The following BOP1 variants were observed in gnomAD, a reference collection of about 807,000 sequenced individuals.
The protein encoded by BOP1 is BOP1 ribosomal biogenesis factor, also known as ribosome biogenesis protein BOP1.
A neutral mutation model predicts 82.9 loss-of-function variants in BOP1; 54 were observed. The ratio of observed to expected loss-of-function variants is 0.65; its 90% confidence interval spans 0.52 to 0.82. BOP1 has a LOEUF of 0.82. Among genes scored for constraint, BOP1 ranks in the 40% least tolerant of loss-of-function variants. The probability of loss-of-function intolerance (pLI) is 0.00; values close to 1 mark genes in which losing one functional copy is unlikely to be tolerated. For synonymous variants in BOP1, 566 were observed against 451.1 expected, an observed-to-expected ratio of 1.25 and a Z score of -3.23; for missense variants, 1,170 against 1,072.0, an observed-to-expected ratio of 1.09 and a Z score of -1.28.
At chr8:144,273,528 C>T (rs1845526083) in intron 3 of BOP1, among the ~76,000 whole-genome samples, 1 of 152,248 alleles carries the variant, frequency 6.6e-6, no homozygotes, top group South Asian at 2.1e-4. Flanking sequence ...CTGACAAACA[C>T]GGCCACAGGC....
chr8:144,284,689 GCA>G (rs1303199499), intron 2 of BOP1, among the ~76,000 whole-genome samples: 1 of 152,192 alleles, frequency 6.6e-6, no homozygotes, highest in African/African-American at 2.4e-5. Context: ...TCGTTCCCTG[GCA>G]CACCCCTCAG....
intron 3 of BOP1, among the ~76,000 whole-genome samples, chr8:144,273,176 G>C (rs1028650275): frequency 6.6e-6 from 1 of 152,188 alleles, no homozygotes; most frequent in Non-Finnish European, 1.5e-5. Flanking sequence ...GGGCGGGGGC[G>C]GCCCGGAGGA....
At chr8:144,283,982 T>C (rs930702785) in intron 2 of BOP1, among the ~76,000 whole-genome samples, 16 of 152,166 alleles carry the variant, frequency 1.1e-4, no homozygotes, top group African/African-American at 3.9e-4. Context: ...CCGGGCGTGA[T>C]GACGGGCGCC....
At position 144,266,485 on chromosome 8, in the gene BOP1, G is replaced by T; in HGVS notation, c.391-1414C>A. 4 of 985,608 alleles carry T rather than the reference G, an allele frequency of 4.1e-6. No individual in the cohort carries two copies. The South Asian group carries it at 1.4e-4, about 34-fold the overall frequency. 61.1% of individuals were successfully genotyped at this position (985,608 alleles called of 1,614,324 possible). ...GACGCACATGTGCGCGCGACGCCCGGCAGCTGCCACCGCGGGGCGCAGCCG... is the reference window on the plus strand; with the variant it reads ...GACGCACATGTGCGCGCGACGCCCGTCAGCTGCCACCGCGGGGCGCAGCCG... On this transcript the variant is annotated intron_variant, in intron 3 of 15. Coordinates refer to ENST00000569669, the MANE Select transcript of BOP1 (RefSeq NM_015201.5).
Position 144,263,078 on chromosome 8 carries a change from C to G in BOP1, c.1669G>C (p.Gly557Arg). The change falls in exon 13 of 16, where the codon GGC becomes CGC. Residue 557 changes from glycine (G) to arginine (R), a missense_variant. By Grantham distance (125) the Gly-to-Arg change is moderately radical (BLOSUM62 -2). Transcript: ENST00000569669. ...DYLAVVLATQ[G>R]HTQVLIHQLS... The stretch of plus-strand genomic sequence containing the variant: ...TGGTGAATCAGCACCTGGGTGTGGC[C>G]TTGGGTGGCCAGCACCACGGCCAGG... The G allele has an allele frequency of 6.3e-7, 1 of 1,589,738 alleles. No individual in the cohort carries two copies. Among genetic ancestry groups the G allele is most frequent in the South Asian group, 1.1e-5 (1 of 89,672 alleles).
Position 144,289,260 on chromosome 8 carries a change from G to A in BOP1, c.144C>T (p.Ser48=), listed in dbSNP as rs768626008. Residue 48 remains serine (S), a synonymous_variant, in exon 2 of 16, where the codon AGC becomes AGT. Coordinates refer to ENST00000569669, the MANE Select transcript of BOP1 (RefSeq NM_015201.5). ...CCTCGCTGTCGGAGACGCCAGAATC[G>A]CTGCCGGTGCTGTGGCTGAGAGGAG... The part of the protein sequence containing the change: ...CTSPLSHSTG[S]DSGVSDSEES... The A allele has an allele frequency of 1.5e-4, 238 of 1,613,846 alleles. 1 individual carries two copies. The highest frequency in any genetic ancestry group is 1.9e-4 in the Non-Finnish European group (221 of 1,179,918).
intron 2 of BOP1, among the ~76,000 whole-genome samples, chr8:144,288,853 G>A (rs940460276): frequency 3.9e-5 from 6 of 152,198 alleles, no homozygotes; most frequent in African/African-American, 9.6e-5. Context: ...AGGGTTGCCC[G>A]AGCATCGTCT....
chr8:144,276,304 C>G lies in BOP1; in HGVS notation c.310G>C (p.Ala104Pro). The G allele has an allele frequency of 6.2e-7, 1 of 1,613,034 alleles. No homozygotes were observed. The highest frequency in any genetic ancestry group is 8.5e-7 in the Non-Finnish European group (1 of 1,179,788). Residue 104 changes from alanine to proline, a missense_variant and splice_region_variant, in exon 3 of 16, where the codon GCC becomes CCC. Coordinates refer to ENST00000569669, the MANE Select transcript of BOP1 (RefSeq NM_015201.5). ...TCTGTCCTCGGGCAAGGAGTGCTGG[C>G]CTGCAGAGAGAGAGAGAAAATGGTC... ...IKKTTEEQVQ[A>P]STPCPRTEMA...
In BOP1 at chr8:144,276,721, G is replaced by A. The variant is rs1049047615; in HGVS notation, c.310-417C>T. Among the ~76,000 whole-genome samples the A allele has an allele frequency of 4.6e-5, 7 of 152,190 alleles. 1 individual carries two copies. The highest frequency in any genetic ancestry group is 1.2e-4 in the African/African-American group (5 of 41,464). ...CCACATGGCGCTCCTGCCGAGCCCC[G>A]CCTGGGACGGGGGCAGCATGGTCGG... On this transcript the variant is annotated intron_variant, in intron 2 of 15. Transcript: ENST00000569669.
chr8:144,277,301 T>G (rs1845582622), intron 2 of BOP1, among the ~76,000 whole-genome samples: 1 of 152,202 alleles, frequency 6.6e-6, no homozygotes, highest in East Asian at 1.9e-4. Flanking sequence ...CGTCTCCCCC[T>G]GCTGCTGACA....
At chr8:144,262,343 C>A (rs1845215535) in intron 15 of BOP1, 26 bp from the exon 16 acceptor site, 1 of 1,612,582 alleles carries the variant, frequency 6.2e-7, no homozygotes, top group Non-Finnish European at 8.5e-7. Context: ...GGGCTCAGGG[C>A]ACGGCCAGAC....
Position 144,263,416 on chromosome 8 carries a change from C to T in BOP1, c.1425-15G>A. 6.3e-7 allele frequency: 1 copy of T among 1,597,834 alleles called. No individual in the cohort carries two copies. ...CCGAGTCCTCCCTGTGAGCCAGGCC[C>T]AGACACGGCCCCTAAGCACAGTGCC... On this transcript the variant is annotated splice_polypyrimidine_tract_variant and intron_variant, in intron 11 of 15. Transcript: ENST00000569669.
chr8:144,266,873 G>A, intron 3 of BOP1: 5 of 1,481,532 alleles, frequency 3.4e-6, no homozygotes, highest in Admixed American at 2.0e-5. Flanking sequence ...GAGCGAGACC[G>A]CACCAACAGC....
intron 2 of BOP1, among the ~76,000 whole-genome samples, chr8:144,285,215 C>A (rs914048792): frequency 6.6e-6 from 1 of 152,218 alleles, no homozygotes; most frequent in Non-Finnish European, 1.5e-5. Context: ...AAGGGCTAGG[C>A]GGCCTGGGGA....
At chr8:144,276,771 G>A (rs988624613) in intron 2 of BOP1, among the ~76,000 whole-genome samples, 1 of 152,320 alleles carries the variant, frequency 6.6e-6, no homozygotes, top group South Asian at 2.1e-4. Context: ...CGCAGCCGTC[G>A]CAGCAGGGTC....
chr8:144,291,247 C>G lies in BOP1; in HGVS notation c.99+25G>C. On this transcript the variant is annotated intron_variant, in intron 1 of 15. Coordinates refer to ENST00000569669, the MANE Select transcript of BOP1 (RefSeq NM_015201.5). The surrounding 1 kb of genome is among the most constrained non-coding windows in gnomAD (Gnocchi z 4.1). ...CGCCGGGCCCTCTAGGGACGCGCCC[C>G]GCCGCCCCGCATCGCCACAGTCACC... 1 of 1,445,448 alleles carries G rather than the reference C, an allele frequency of 6.9e-7. No individual in the cohort carries two copies. The highest frequency in any genetic ancestry group is 9.1e-7 in the Non-Finnish European group (1 of 1,101,414). The allele number at this position is 1,445,448 out of a possible 1,614,324, so 89.5% of individuals were successfully genotyped here.
At chr8:144,264,875 C>CGGGCCCACCCCGGCTGCT (rs1845319932) in intron 4 of BOP1, 42 bp downstream of exon 4, 1 of 1,608,264 alleles carries the variant, frequency 6.2e-7, no homozygotes, top group Admixed American at 1.7e-5. Context: ...CCCCACCCCT[C>CGGGCCCACCCCGGCTGCT]GGGCCCACCC....
chr8:144,264,447 C>T lies in BOP1; in HGVS notation c.766-10G>A, dbSNP rs1439740874. 4 of 1,605,104 alleles carry T rather than the reference C, an allele frequency of 2.5e-6. No homozygotes were observed. The highest frequency in any genetic ancestry group is 3.4e-6 in the Non-Finnish European group (4 of 1,179,678). On this transcript the variant is annotated splice_polypyrimidine_tract_variant and intron_variant, in intron 6 of 15. Coordinates refer to ENST00000569669, the MANE Select transcript of BOP1 (RefSeq NM_015201.5). ...GCACCATGCGAGAGACCTGCATAGA[C>T]AGCCGGGTCAGGACGGGCAGTGCGG...
intron 3 of BOP1, among the ~76,000 whole-genome samples, chr8:144,269,621 G>A (rs917738809): frequency 2.1e-4 from 32 of 152,354 alleles, no homozygotes; most frequent in South Asian, 1.2e-3. Flanking sequence ...GGCAGGTTTC[G>A]TTCAGAGAGA....
Sources: gnomAD v4.1 joint callset for allele counts (sites outside exome capture counted in the v4.1 genomes callset) on GRCh38, gnomAD v4.1.1 for gene constraint, Gnocchi (gnomAD v3.1) non-coding constraint, MANE v1.5 for transcripts, NCBI Gene and HGNC (gene_info 2026-07-23, HGNC 2026-07-21) for gene names.